SVOPL: variants seen among roughly 807,000 people sequenced by gnomAD.
SVOPL encodes SVOP like, also known as putative transporter SVOPL.
A neutral mutation model predicts 61.0 loss-of-function variants in SVOPL; 60 were observed. The ratio of observed to expected loss-of-function variants is 0.98; its 90% CI spans 0.80 to 1.22. The LOEUF is 1.22. SVOPL is among the 50% of genes most tolerant of loss of function. The pLI is 0.00. For missense variants in SVOPL, 662 were observed against 643.9 expected (o/e 1.03, Z -0.30); for synonymous variants, 279 against 250.0 (o/e 1.12, Z -1.09).
intron 4 of SVOPL, among the ~76,000 whole-genome samples, chr7:138,666,419 G>C (rs1381086554): frequency 6.6e-6 from 1 of 152,172 alleles, no homozygotes; most frequent in Non-Finnish European, 1.5e-5. Context: ...TTTTCTAAAA[G>C]CATATGATCT....
chr7:138,700,089 C>T (rs763677475), intron 1 of SVOPL, among the ~76,000 whole-genome samples: 3 of 152,108 alleles, frequency 2.0e-5, no homozygotes, highest in East Asian at 3.9e-4. Context: ...TGGAAAGGGG[C>T]TTACTCTCCA....
chr7:138,595,017 A>G (rs988981690), intron 15 of SVOPL, among the ~76,000 whole-genome samples: 20 of 151,836 alleles, frequency 1.3e-4, no homozygotes, highest in African/African-American at 4.8e-4. Flanking sequence ...CAGCCTCCCA[A>G]AGTGCTAGGA....
intron 14 of SVOPL, among the ~76,000 whole-genome samples, chr7:138,599,167 A>AAAAAAAAAAAAAAAAAAAAAAAAAAAAC (rs58372563): frequency 8.2e-6 from 1 of 121,810 alleles, no homozygotes; most frequent in Non-Finnish European, 1.7e-5. Context: ...ACCAAAAAAA[A>AAAAAAAAAAAAAAAAAAAAAAAAAAAAC]AAGAAATACA....
intron 10 of SVOPL, among the ~76,000 whole-genome samples, chr7:138,629,153 G>GTGTGTATATA (rs10624737): frequency 4.1e-4 from 61 of 147,376 alleles, no homozygotes; most frequent in African/African-American, 1.3e-3. Context: ...GTGTGTGTGT[G>GTGTGTATATA]TATATATGTA....
At position 138,646,193 on chromosome 7, in the gene SVOPL, C is replaced by G. The variant is rs73729604; in HGVS notation, c.661-1348G>C. 1,009 of 179,158 alleles carry G rather than the reference C, an allele frequency of 5.6e-3. 20 individuals carry two copies. Among genetic ancestry groups the G allele is most frequent in the African/African-American group, 0.022 (937 of 41,804 alleles). The allele number at this position is 179,158 out of a possible 1,614,324, so 11.1% of individuals were successfully genotyped here. On this transcript the variant is annotated intron_variant, in intron 8 of 15. Transcript: ENST00000674285. ...TAGAGTGCTTAGTGTACTCAATATG[C>G]GCATCAATTCCCTTGACAAGAATCT...
At position 138,644,791 on chromosome 7, in the gene SVOPL, G is replaced by A; in HGVS notation, c.715C>T (p.Leu239=). 6.2e-7 allele frequency: 1 copy of A among 1,614,184 alleles called. No homozygotes were observed. Among genetic ancestry groups the A allele is most frequent in the Non-Finnish European group, 8.5e-7 (1 of 1,180,036 alleles). Residue 239 remains leucine (L), a synonymous_variant, in exon 9 of 16, where the codon CTG becomes TTG. Transcript: ENST00000674285. ...NVSTGNTRAA[L]ATLERVAKMN... is the part of the protein sequence containing the mutation. ...TTGGCAACGCGCTCCAGAGTGGCCA[G>A]GGCAGCCCGAGTGTTCCCAGTGGAG...
intron 1 of SVOPL, chr7:138,689,610 AC>A: frequency 2.5e-6 from 1 of 405,006 alleles, no homozygotes; most frequent in South Asian, 2.4e-5. Context: ...TGTAATCCCA[AC>A]ACTTTGGGAG....
intron 15 of SVOPL, 55 bp from the exon 16 acceptor site, chr7:138,594,676 T>A: frequency 7.5e-7 from 1 of 1,336,532 alleles, no homozygotes; most frequent in South Asian, 1.5e-5. Flanking sequence ...GTCTTGTCCA[T>A]TCATACTGAG....
intron 1 of SVOPL, among the ~76,000 whole-genome samples, chr7:138,685,683 A>G (rs1304576959): frequency 2.0e-5 from 3 of 151,990 alleles, no homozygotes; most frequent in African/African-American, 7.2e-5. Context: ...AACATGGTGA[A>G]ACCCCATATC....
chr7:138,596,356 T>A, intron 15 of SVOPL, 61 bp downstream of exon 15: 1 of 1,441,300 alleles, frequency 6.9e-7, no homozygotes, highest in Non-Finnish European at 9.6e-7. Flanking sequence ...ATATACCAAG[T>A]TCATTTGCTC....
chr7:138,672,898 G>C (rs1267909870), intron 3 of SVOPL, among the ~76,000 whole-genome samples: 20 of 113,898 alleles, frequency 1.8e-4, no homozygotes, highest in African/African-American at 6.8e-4. Context: ...GGATAAGTTT[G>C]TCTCTCAAAA....
At chr7:138,691,918 A>C (rs1295345472) in intron 1 of SVOPL, among the ~76,000 whole-genome samples, 2 of 151,742 alleles carry the variant, frequency 1.3e-5, no homozygotes, top group African/African-American at 4.8e-5. Flanking sequence ...CCCAGTTTCC[A>C]GGGATTCTCC....
rs57139655 is a variant in SVOPL at position 138,630,951 on chromosome 7, G to GAA, written c.790-831_790-830dup. On this transcript the variant is annotated intron_variant, in intron 9 of 15. Coordinates refer to ENST00000674285, the MANE Select transcript of SVOPL (RefSeq NM_001139456.2). ...AGAGTGAAACTCCATCTCAAAAAAA[G>GAA]AAAAAAAAAAAAAAAAAAGCAAGGA... Among the ~76,000 whole-genome samples, 28 of 76,350 alleles carry GAA rather than the reference G, an allele frequency of 3.7e-4. 4 individuals carry two copies. The highest frequency in any genetic ancestry group is 9.9e-4 in the South Asian group (2 of 2,028). 50.1% of individuals were successfully genotyped at this position (76,350 alleles called of 152,430 possible).
At chr7:138,622,390 G>A (rs1444111497) in intron 13 of SVOPL, among the ~76,000 whole-genome samples, 1 of 152,096 alleles carries the variant, frequency 6.6e-6, no homozygotes, top group Non-Finnish European at 1.5e-5. Context: ...CACCTTCTGG[G>A]TTCAACCGAT....
intron 14 of SVOPL, among the ~76,000 whole-genome samples, chr7:138,602,102 G>T (rs1447357242): frequency 6.6e-6 from 1 of 151,978 alleles, no homozygotes; most frequent in Non-Finnish European, 1.5e-5. Context: ...CCAAATATTC[G>T]AAGGCTGAGG....
In SVOPL at chr7:138,648,275, T is replaced by C. The variant is rs529144316; in HGVS notation, c.660+737A>G. On this transcript the variant is annotated intron_variant, in intron 8 of 15. Coordinates refer to ENST00000674285, the MANE Select transcript of SVOPL (RefSeq NM_001139456.2). Reference sequence around the variant, plus strand: ...GAGGCAGGCTAAGGGAGGTGAGGGCTGCCCGCTGGTTGAGACAGACTCCTC... The same window carrying C: ...GAGGCAGGCTAAGGGAGGTGAGGGCCGCCCGCTGGTTGAGACAGACTCCTC... 2.6e-5 allele frequency among the ~76,000 whole-genome samples: 4 copies of C among 152,148 alleles called. No homozygotes were observed. The East Asian group carries it at 5.8e-4, about 22-fold the overall frequency.
chr7:138,630,426 T>G (rs1800124150), intron 9 of SVOPL, among the ~76,000 whole-genome samples: 1 of 152,070 alleles, frequency 6.6e-6, no homozygotes, highest in African/African-American at 2.4e-5. Flanking sequence ...GTGGGGATGG[T>G]AGGAGGAAAC....
At chr7:138,597,316 C>A (rs941575235) in intron 14 of SVOPL, 5 of 1,055,430 alleles carry the variant, frequency 4.7e-6, no homozygotes, top group Admixed American at 5.2e-5. Flanking sequence ...AATACAATTT[C>A]TTCCCTTTAC....
chr7:138,662,362 CAGAT>C (rs777901111), intron 5 of SVOPL: 219 of 985,426 alleles, frequency 2.2e-4, no homozygotes, highest in Admixed American at 3.1e-4. Context: ...TAGTTTCAAA[CAGAT>C]AGGTGCCTGA....
Sources: gnomAD v4.1 joint callset for allele counts (sites outside exome capture counted in the v4.1 genomes callset) on GRCh38, gnomAD v4.1.1 for gene constraint, MANE v1.5 for transcripts, NCBI Gene and HGNC (gene_info 2026-07-23, HGNC 2026-07-21) for gene names.